PPP2R2B: variants seen among roughly 807,000 people sequenced by gnomAD.
PPP2R2B encodes protein phosphatase 2 regulatory subunit Bbeta.
A neutral mutation model predicts 46.0 loss-of-function variants in PPP2R2B; 5 were observed. That is an observed-to-expected ratio of 0.11 (90% confidence interval 0.06 to 0.23). PPP2R2B has a LOEUF of 0.23. Ranked by LOEUF, PPP2R2B falls within the 10% of genes least tolerant of loss-of-function variation. PPP2R2B has a pLI of 1.00. For missense variants in PPP2R2B, 367 were observed against 575.0 expected (o/e 0.64, Z 3.70); for synonymous variants, 215 against 206.7 (o/e 1.04, Z -0.34).
At chr5:146,978,090 T>C (rs1431626598) in intron 1 of PPP2R2B, among the ~76,000 whole-genome samples, 1 of 152,256 alleles carries the variant, frequency 6.6e-6, no homozygotes, top group Non-Finnish European at 1.5e-5. Context: ...AGATGGTACC[T>C]CATTCTGGTT....
chr5:146,605,456 C>T (rs1772172742), intron 7 of PPP2R2B, among the ~76,000 whole-genome samples: 1 of 152,178 alleles, frequency 6.6e-6, no homozygotes, highest in African/African-American at 2.4e-5. Context: ...GCAAAATGTT[C>T]AACCTGTGAT....
intron 7 of PPP2R2B, among the ~76,000 whole-genome samples, chr5:146,627,514 A>G (rs1301365412): frequency 6.6e-6 from 1 of 152,204 alleles, no homozygotes; most frequent in Admixed American, 6.5e-5. Flanking sequence ...ATGGTTGAAA[A>G]TGGTCAGGCT....
chr5:146,896,643 C>T (rs1019864084), intron 1 of PPP2R2B, among the ~76,000 whole-genome samples: 15 of 151,908 alleles, frequency 9.9e-5, no homozygotes, highest in Non-Finnish European at 1.3e-4. Context: ...TAAATAAACC[C>T]GTAGACATTT....
At chr5:146,636,490 C>T (rs1053836445) in intron 7 of PPP2R2B, among the ~76,000 whole-genome samples, 3 of 152,200 alleles carry the variant, frequency 2.0e-5, no homozygotes, top group East Asian at 1.9e-4. Flanking sequence ...CCCCCAGGGT[C>T]GCTGGTCTCT....
chr5:146,793,014 G>A (rs1376794312), intron 2 of PPP2R2B, among the ~76,000 whole-genome samples: 1 of 152,208 alleles, frequency 6.6e-6, no homozygotes, highest in Non-Finnish European at 1.5e-5. Flanking sequence ...AAAAGTGGAA[G>A]CAGGGAACTG....
intron 7 of PPP2R2B, among the ~76,000 whole-genome samples, chr5:146,609,404 AATT>A (rs1198633931): frequency 6.6e-6 from 1 of 152,250 alleles, no homozygotes; most frequent in African/African-American, 2.4e-5. Context: ...GAAAAAGTAA[AATT>A]ATCCTTGTTT....
At chr5:146,638,514 TC>T in intron 6 of PPP2R2B, 99 bp from the exon 7 acceptor site, 1 of 1,151,802 alleles carries the variant, frequency 8.7e-7, no homozygotes, top group Non-Finnish European at 1.2e-6. Flanking sequence ...GTAAAATATG[TC>T]AACATTTGCT....
intron 1 of PPP2R2B, among the ~76,000 whole-genome samples, chr5:147,006,694 G>T (rs1754455409): frequency 6.6e-6 from 1 of 152,044 alleles, no homozygotes; most frequent in African/African-American, 2.4e-5. Context: ...AGACTCTTTG[G>T]CAGCAGTGAT....
chr5:146,771,552 A>G (rs926958358), intron 2 of PPP2R2B, among the ~76,000 whole-genome samples: 3 of 152,224 alleles, frequency 2.0e-5, no homozygotes, highest in Non-Finnish European at 2.9e-5. Flanking sequence ...GATGCCTTCC[A>G]TAAGAGTTAC....
intron 1 of PPP2R2B, among the ~76,000 whole-genome samples, chr5:147,037,831 T>C (rs1056695791): frequency 1.3e-5 from 2 of 152,314 alleles, no homozygotes; most frequent in East Asian, 3.9e-4. Flanking sequence ...TTTATAAGAA[T>C]TAGAGTGATT....
At chr5:146,637,734 C>A (rs1774913795) in intron 7 of PPP2R2B, among the ~76,000 whole-genome samples, 1 of 152,212 alleles carries the variant, frequency 6.6e-6, no homozygotes, top group South Asian at 2.1e-4. Context: ...CTTCCCCCAG[C>A]TGCTGTTCTA....
At chr5:147,000,297 T>G (rs907562943) in intron 1 of PPP2R2B, among the ~76,000 whole-genome samples, 2 of 152,290 alleles carry the variant, frequency 1.3e-5, no homozygotes, top group African/African-American at 4.8e-5. Flanking sequence ...TAATCCCTGC[T>G]GTTAGTTCAA....
intron 1 of PPP2R2B, among the ~76,000 whole-genome samples, chr5:146,959,759 A>T (rs1351948211): frequency 6.6e-6 from 1 of 152,150 alleles, no homozygotes; most frequent in Non-Finnish European, 1.5e-5. Context: ...GAGCACTGTA[A>T]GTGAGTTGTT....
At chr5:146,701,006 A>T (rs533483681) in intron 3 of PPP2R2B, 39 bp downstream of exon 3, 1 of 1,532,980 alleles carries the variant, frequency 6.5e-7, no homozygotes, top group Non-Finnish European at 9.0e-7. Flanking sequence ...TCCTTTAAAA[A>T]GTGAAGAAAA....
chr5:147,076,466 G>A (rs1410109831), intron 2 of PPP2R2B, among the ~76,000 whole-genome samples: 1 of 152,130 alleles, frequency 6.6e-6, no homozygotes, highest in Non-Finnish European at 1.5e-5. Context: ...TGATCTGTGG[G>A]TTGTAGGTTT....
intron 2 of PPP2R2B, among the ~76,000 whole-genome samples, chr5:146,773,466 CA>C (rs1161120134): frequency 6.6e-6 from 1 of 152,218 alleles, no homozygotes; most frequent in Non-Finnish European, 1.5e-5. Context: ...AATGGCCTCA[CA>C]ATTCTACAAC....
chr5:147,005,073 G>A (rs142867299), intron 1 of PPP2R2B, among the ~76,000 whole-genome samples: 3,300 of 152,218 alleles, frequency 0.022, 142 homozygotes, highest in African/African-American at 0.074. Flanking sequence ...CTCCTTGAGG[G>A]ACCAGTGCTT....
intron 2 of PPP2R2B, among the ~76,000 whole-genome samples, chr5:146,791,799 G>A (rs1393188292): frequency 2.0e-5 from 3 of 152,058 alleles, no homozygotes; most frequent in Non-Finnish European, 2.9e-5. Context: ...CAGACCACTG[G>A]CTGTCTCCCA....
intron 2 of PPP2R2B, among the ~76,000 whole-genome samples, chr5:146,770,634 A>G (rs972376270): frequency 1.3e-5 from 2 of 152,206 alleles, no homozygotes; most frequent in Non-Finnish European, 2.9e-5. Flanking sequence ...TATGATACTA[A>G]GAGAAAAATG....
Sources: allele counts gnomAD v4.1 joint callset (sites outside exome capture counted in the v4.1 genomes callset), GRCh38; gene constraint gnomAD v4.1.1; transcripts MANE v1.5; gene names NCBI Gene and HGNC (gene_info 2026-07-23, HGNC 2026-07-21).